LRRC4C: variants seen among roughly 807,000 people sequenced by gnomAD.
LRRC4C encodes the protein leucine-rich repeat-containing protein 4C.
LRRC4C carries 5 observed loss-of-function variants against 33.6 expected under a neutral mutation model. The observed-to-expected ratio is 0.15, with a 90% CI of 0.08 to 0.31. The LOEUF (loss-of-function observed/expected upper bound fraction) is 0.31. LRRC4C is among the 10% of genes least tolerant of loss of function. LRRC4C has a pLI of 1.00. For missense variants in LRRC4C, 560 were observed against 796.7 expected (o/e 0.70, Z 3.58); for synonymous variants, 329 against 302.0 (o/e 1.09, Z -0.93).
chr11:40,950,329 TC>T (rs1295993472), intron 1 of LRRC4C, among the ~76,000 whole-genome samples: 5 of 152,228 alleles, frequency 3.3e-5, no homozygotes, highest in African/African-American at 1.2e-4. Context: ...TAGACATTCC[TC>T]CAAGTTAAAC....
chr11:41,315,196 T>C (rs7117943), intron 1 of LRRC4C, among the ~76,000 whole-genome samples: 17,652 of 152,258 alleles, frequency 0.12, 1,147 homozygotes, highest in South Asian at 0.21. Context: ...TGAGTTTTGT[T>C]GTCATCTGTG....
chr11:40,241,614 A>C lies in LRRC4C; in HGVS notation c.-175-16T>G, dbSNP rs1245610718. On this transcript the variant is annotated splice_polypyrimidine_tract_variant and intron_variant, in intron 4 of 6. Coordinates refer to ENST00000528697, the MANE Select transcript of LRRC4C (RefSeq NM_001258419.2). ...GTTTCTTGCTCTGCAAAATGAGGTG[A>C]TTGAAACTAGATGATGTAAGAGTCC... The C allele has an allele frequency of 2.0e-5, 3 of 152,122 alleles. No homozygotes were observed. Among genetic ancestry groups the C allele is most frequent in the Non-Finnish European group, 4.4e-5 (3 of 68,032 alleles). The allele number at this position is 152,122 out of a possible 1,614,324, so 9.4% of individuals were successfully genotyped here.
At chr11:41,036,853 G>A (rs760849729) in intron 1 of LRRC4C, among the ~76,000 whole-genome samples, 3 of 152,134 alleles carry the variant, frequency 2.0e-5, no homozygotes, top group South Asian at 2.1e-4. Context: ...TTTCACTAGC[G>A]GGGGAAGGTC....
intron 1 of LRRC4C, among the ~76,000 whole-genome samples, chr11:41,175,835 A>G (rs1945172867): frequency 6.6e-6 from 1 of 152,100 alleles, no homozygotes; most frequent in African/African-American, 2.4e-5. Context: ...TCTTCCTGCA[A>G]TCCTTTGAAT....
intron 1 of LRRC4C, among the ~76,000 whole-genome samples, chr11:41,346,032 G>T (rs779549626): frequency 6.6e-6 from 1 of 152,146 alleles, no homozygotes; most frequent in East Asian, 1.9e-4. Flanking sequence ...TGGATAGAAG[G>T]AGGATTCTGG....
intron 1 of LRRC4C, among the ~76,000 whole-genome samples, chr11:40,977,333 AG>A (rs1323104878): frequency 1.3e-5 from 2 of 152,222 alleles, no homozygotes; most frequent in East Asian, 3.9e-4. Context: ...TACTCAAGTC[AG>A]TGGAGTTTGC....
chr11:40,932,664 A>G (rs1291192319), intron 2 of LRRC4C, among the ~76,000 whole-genome samples: 1 of 152,170 alleles, frequency 6.6e-6, no homozygotes, highest in African/African-American at 2.4e-5. Flanking sequence ...AGATAAAGAG[A>G]TATTTTAAGG....
intron 1 of LRRC4C, among the ~76,000 whole-genome samples, chr11:41,189,327 C>T (rs765405955): frequency 6.6e-5 from 10 of 152,096 alleles, no homozygotes; most frequent in African/African-American, 1.7e-4. Flanking sequence ...AAAGACAAGA[C>T]GTTTCCTGGC....
At chr11:40,256,705 A>T (rs192586275) in intron 4 of LRRC4C, among the ~76,000 whole-genome samples, 103 of 152,320 alleles carry the variant, frequency 6.8e-4, no homozygotes, top group Admixed American at 1.8e-3. Context: ...TCTCTTAATG[A>T]ATACTAAATG....
intron 1 of LRRC4C, among the ~76,000 whole-genome samples, chr11:40,952,453 G>A (rs537798811): frequency 4.0e-5 from 6 of 151,688 alleles, no homozygotes; most frequent in African/African-American, 1.5e-4. Flanking sequence ...ACTTTTGGTC[G>A]AGCATGCTCT....
intron 1 of LRRC4C, among the ~76,000 whole-genome samples, chr11:40,948,508 C>T (rs1025659254): frequency 4.6e-5 from 5 of 109,748 alleles, no homozygotes; most frequent in African/African-American, 1.7e-4. Flanking sequence ...CCAATGCTAT[C>T]CCTCCCCCCT....
At chr11:41,230,893 T>A (rs1591005606) in intron 1 of LRRC4C, among the ~76,000 whole-genome samples, 1 of 76,420 alleles carries the variant, frequency 1.3e-5, no homozygotes, top group Non-Finnish European at 2.5e-5. Flanking sequence ...TACAAAGAAC[T>A]CAAACAAATT....
chr11:41,163,812 A>C (rs1389631921), intron 1 of LRRC4C, among the ~76,000 whole-genome samples: 4 of 151,890 alleles, frequency 2.6e-5, no homozygotes, highest in African/African-American at 9.7e-5. Context: ...AGGTTTCACC[A>C]TGTTGGCCAG....
intron 2 of LRRC4C, among the ~76,000 whole-genome samples, chr11:40,771,482 C>T (rs2137172921): frequency 6.6e-6 from 1 of 152,248 alleles, no homozygotes; most frequent in African/African-American, 2.4e-5. Context: ...GAAAATTTTC[C>T]CCATTGTTTC....
At chr11:41,230,321 A>G (rs1287930452) in intron 1 of LRRC4C, among the ~76,000 whole-genome samples, 2 of 152,090 alleles carry the variant, frequency 1.3e-5, no homozygotes, top group Non-Finnish European at 2.9e-5. Flanking sequence ...ATCCCTCAGA[A>G]ATACCTTGGA....
At chr11:40,460,365 A>G (rs1164333830) in intron 3 of LRRC4C, among the ~76,000 whole-genome samples, 1 of 151,642 alleles carries the variant, frequency 6.6e-6, no homozygotes, top group Non-Finnish European at 1.5e-5. Flanking sequence ...GATACAGACA[A>G]TGAAAAAAAT....
At chr11:40,274,970 T>C (rs1942994919) in intron 4 of LRRC4C, among the ~76,000 whole-genome samples, 1 of 152,186 alleles carries the variant, frequency 6.6e-6, no homozygotes, top group Non-Finnish European at 1.5e-5. Context: ...GGCAGTGTCC[T>C]AGACTATCGA....
chr11:41,035,221 A>G (rs1856992773), intron 1 of LRRC4C, among the ~76,000 whole-genome samples: 1 of 151,212 alleles, frequency 6.6e-6, no homozygotes, highest in Admixed American at 6.6e-5. Context: ...AAATAAATAA[A>G]TAAATATATA....
intron 2 of LRRC4C, among the ~76,000 whole-genome samples, chr11:40,761,741 C>T (rs7106315): frequency 0.16 from 23,696 of 152,022 alleles, 2,089 homozygotes; most frequent in Non-Finnish European, 0.2. Flanking sequence ...TGATAAAAGG[C>T]CAGTTTTTGG....
Sources: gnomAD v4.1 joint callset for allele counts (sites outside exome capture counted in the v4.1 genomes callset) on GRCh38, gnomAD v4.1.1 for gene constraint, MANE v1.5 for transcripts, NCBI Gene and HGNC (gene_info 2026-07-23, HGNC 2026-07-21) for gene names.